The following ZCCHC4 variants were observed in gnomAD, a reference collection of about 807,000 sequenced individuals.
ZCCHC4 encodes rRNA N(6)-adenosine-methyltransferase ZCCHC4.
Under a neutral mutation model 67.7 loss-of-function variants are expected in ZCCHC4, and 54 were observed. The observed-to-expected ratio is 0.80, with a 90% confidence interval of 0.64 to 1.00. The LOEUF (loss-of-function observed/expected upper bound fraction) is 1.00, where lower values mean the gene tolerates loss of function less well. Ranked by LOEUF, ZCCHC4 falls within the 50% of genes least tolerant of loss-of-function variation. ZCCHC4 has a pLI of 0.00. For missense variants in ZCCHC4, 609 were observed against 617.0 expected (o/e 0.99, Z 0.14); for synonymous variants, 198 against 213.5 (o/e 0.93, Z 0.63).
intron 8 of ZCCHC4, among the ~76,000 whole-genome samples, chr4:25,357,684 G>A (rs1021554014): frequency 1.3e-5 from 2 of 152,170 alleles, no homozygotes; most frequent in African/African-American, 4.8e-5. Flanking sequence ...AGCCAGTTTT[G>A]TTGTAAGTTC....
At chr4:25,350,502 C>T (rs1250175492) in intron 7 of ZCCHC4, among the ~76,000 whole-genome samples, 1 of 152,102 alleles carries the variant, frequency 6.6e-6, no homozygotes, top group Non-Finnish European at 1.5e-5. Context: ...CTCATGGCCT[C>T]AAGTGATCTG....
At chr4:25,346,652 A>T (rs754913635) in intron 6 of ZCCHC4, among the ~76,000 whole-genome samples, 4 of 152,208 alleles carry the variant, frequency 2.6e-5, no homozygotes, top group Non-Finnish European at 5.9e-5. Context: ...CTTCCATTTG[A>T]ATCAATTTAG....
At chr4:25,349,403 G>A (rs1720177341) in intron 6 of ZCCHC4, 89 bp from the exon 7 acceptor site, 1 of 1,310,742 alleles carries the variant, frequency 7.6e-7, no homozygotes, top group Non-Finnish European at 1.1e-6. Flanking sequence ...AGTATTAAGA[G>A]AGAGACTGAG....
intron 5 of ZCCHC4, among the ~76,000 whole-genome samples, chr4:25,339,772 C>A (rs1216775040): frequency 6.6e-6 from 1 of 152,050 alleles, no homozygotes; most frequent in African/African-American, 2.4e-5. Context: ...GGTGTCATAT[C>A]TAAGAAAGTC....
At position 25,333,952 on chromosome 4, in the gene ZCCHC4, C is replaced by CT. The variant is rs1719321040; in HGVS notation, c.651dup (p.Asn218Ter). On this transcript the variant is annotated frameshift_variant, in exon 5 of 13. Coordinates refer to ENST00000302874, the MANE Select transcript of ZCCHC4 (RefSeq NM_024936.3). LOFTEE classifies it high-confidence loss of function. ...TTGACAGCATCAGGTGACAAGAAGTCTAACATTAAAAGCCTTTTATTGGAT... is the reference window on the plus strand; with the variant it reads ...TTGACAGCATCAGGTGACAAGAAGTCTTAACATTAAAAGCCTTTTATTGGAT... 4 of 1,606,122 alleles carry CT rather than the reference C, an allele frequency of 2.5e-6. No individual in the cohort carries two copies. Among genetic ancestry groups the CT allele is most frequent in the Admixed American group, 1.7e-5 (1 of 57,188 alleles).
At chr4:25,351,222 C>G (rs911296191) in intron 7 of ZCCHC4, among the ~76,000 whole-genome samples, 1 of 152,204 alleles carries the variant, frequency 6.6e-6, no homozygotes, top group African/African-American at 2.4e-5. Context: ...CACCGAAGAC[C>G]TACTGCCTTC....
intron 8 of ZCCHC4, among the ~76,000 whole-genome samples, chr4:25,356,501 C>G (rs549056918): frequency 1.3e-4 from 19 of 151,932 alleles, no homozygotes; most frequent in Non-Finnish European, 2.5e-4. Context: ...AGCAATCAAC[C>G]ACCTTCCTGA....
chr4:25,366,738 C>T (rs1301673682), intron 12 of ZCCHC4, among the ~76,000 whole-genome samples: 3 of 152,190 alleles, frequency 2.0e-5, no homozygotes, highest in Non-Finnish European at 2.9e-5. Context: ...TAGTCAGTAA[C>T]GTGCTCAGCC....
At chr4:25,366,641 T>G (rs1446475681) in intron 12 of ZCCHC4, among the ~76,000 whole-genome samples, 1 of 152,216 alleles carries the variant, frequency 6.6e-6, no homozygotes, top group African/African-American at 2.4e-5. Flanking sequence ...AATATTTTCC[T>G]TAGAATAAAC....
At chr4:25,338,827 C>G (rs1280753104) in intron 5 of ZCCHC4, among the ~76,000 whole-genome samples, 1 of 152,152 alleles carries the variant, frequency 6.6e-6, no homozygotes, top group East Asian at 1.9e-4. Flanking sequence ...GTTGCTTCCA[C>G]TTTTTGGCTA....
At chr4:25,357,475 T>C (rs768773565) in intron 8 of ZCCHC4, among the ~76,000 whole-genome samples, 12 of 152,180 alleles carry the variant, frequency 7.9e-5, no homozygotes, top group Non-Finnish European at 1.3e-4. Context: ...CCAGAAACCC[T>C]TAGGGGCTTT....
chr4:25,358,531 G>C (rs1417577779), intron 8 of ZCCHC4, among the ~76,000 whole-genome samples: 2 of 152,220 alleles, frequency 1.3e-5, no homozygotes, highest in Admixed American at 1.3e-4. Flanking sequence ...ATGTGAATTT[G>C]TCATAACAAA....
intron 3 of ZCCHC4, among the ~76,000 whole-genome samples, chr4:25,319,095 A>T: frequency 6.6e-6 from 1 of 152,194 alleles, no homozygotes; most frequent in Non-Finnish European, 1.5e-5. Flanking sequence ...AGAAAAGGCT[A>T]AGTGCTGGCC....
intron 6 of ZCCHC4, 75 bp downstream of exon 6, chr4:25,345,695 T>C: frequency 2.0e-6 from 2 of 978,226 alleles, no homozygotes; most frequent in Admixed American, 5.0e-5. Flanking sequence ...CTTTGTTCTT[T>C]TTCTAAATTC....
intron 8 of ZCCHC4, among the ~76,000 whole-genome samples, chr4:25,358,384 C>T (rs997348890): frequency 5.9e-5 from 9 of 152,182 alleles, no homozygotes; most frequent in South Asian, 2.1e-4. Flanking sequence ...AATGGGAAAC[C>T]CTGACCAAAT....
chr4:25,354,448 A>G (rs1263703060), intron 8 of ZCCHC4, among the ~76,000 whole-genome samples: 1 of 152,182 alleles, frequency 6.6e-6, no homozygotes, highest in Non-Finnish European at 1.5e-5. Flanking sequence ...TCTAAAAGCA[A>G]ATTTGTTTTT....
At chr4:25,320,086 G>C (rs938687155) in intron 3 of ZCCHC4, among the ~76,000 whole-genome samples, 1 of 151,964 alleles carries the variant, frequency 6.6e-6, no homozygotes. Flanking sequence ...TACAGAGTAG[G>C]ATTTGATTTT....
chr4:25,331,376 C>T (rs1169276770), intron 3 of ZCCHC4, among the ~76,000 whole-genome samples: 1 of 152,156 alleles, frequency 6.6e-6, no homozygotes, highest in East Asian at 1.9e-4. Context: ...ATAATCATAG[C>T]TCACTGCAGC....
Position 25,359,803 on chromosome 4 carries a change from T to A in ZCCHC4, c.1012-2056T>A, listed in dbSNP as rs1481962900. ...CCCTGGCACTCCAGCCTAAAGACTA[T>A]GTGCTGCAGCCAGGTGGGGTTATAA... is the stretch of plus-strand genomic sequence containing the variant. On this transcript the variant is annotated intron_variant, in intron 8 of 12. Coordinates refer to ENST00000302874, the MANE Select transcript of ZCCHC4 (RefSeq NM_024936.3). The surrounding 1 kb of genome is among the most constrained non-coding windows in gnomAD (Gnocchi z 4.9). Among the ~76,000 whole-genome samples the A allele has an allele frequency of 6.6e-6, 1 of 152,196 alleles. No homozygotes were observed. The highest frequency in any genetic ancestry group is 2.4e-5 in the African/African-American group (1 of 41,452).
Sources: allele counts gnomAD v4.1 joint callset (sites outside exome capture counted in the v4.1 genomes callset), GRCh38; gene constraint gnomAD v4.1.1; non-coding constraint Gnocchi (gnomAD v3.1); transcripts MANE v1.5; gene names NCBI Gene and HGNC (gene_info 2026-07-23, HGNC 2026-07-21).